ZNF365: variants seen among roughly 807,000 people sequenced by gnomAD.
ZNF365 encodes protein ZNF365.
In ZNF365, 22 loss-of-function variants were observed where a neutral mutation model predicts 35.0. The observed-to-expected ratio is 0.63, with a 90% CI of 0.45 to 0.90. The LOEUF (loss-of-function observed/expected upper bound fraction) is 0.90. Ranked by LOEUF, ZNF365 falls within the 40% of genes least tolerant of loss-of-function variation. The pLI is 0.00. For missense variants in ZNF365, 448 were observed against 500.3 expected, an observed-to-expected ratio of 0.90 and a Z score of 1.00; for synonymous variants, 188 against 196.2, an observed-to-expected ratio of 0.96 and a Z score of 0.35.
intron 3 of ZNF365, among the ~76,000 whole-genome samples, chr10:62,454,965 A>G (rs745650018): frequency 1.3e-5 from 2 of 152,162 alleles, no homozygotes; most frequent in Non-Finnish European, 1.5e-5. Context: ...GGGACTTCCA[A>G]CTGGAAATGG....
chr10:62,413,995 T>C (rs1589442990), intron 3 of ZNF365, among the ~76,000 whole-genome samples: 1 of 152,162 alleles, frequency 6.6e-6, no homozygotes, highest in African/African-American at 2.4e-5. Context: ...TCCTCATAGA[T>C]TCAGGATTAC....
In ZNF365 at chr10:62,419,494, GA is replaced by G. The variant is rs751316684; in HGVS notation, c.924+30933del. Reference sequence around the variant, plus strand: ...TTTTGTTACAAGCAGGTTTTTAAAGGAAAAAAAAAAAAAAAGGACGGGGTGG... The same window carrying G: ...TTTTGTTACAAGCAGGTTTTTAAAGGAAAAAAAAAAAAAAGGACGGGGTGG... On this transcript the variant is annotated intron_variant, in intron 3 of 4. Transcript: ENST00000395255. Among the ~76,000 whole-genome samples, 1,115 of 124,748 alleles carry G rather than the reference GA, an allele frequency of 8.9e-3. 5 individuals carry two copies. Among genetic ancestry groups the G allele is most frequent in the South Asian group, 0.019 (69 of 3,636 alleles). The allele number at this position is 124,748 out of a possible 152,430, so 81.8% of individuals were successfully genotyped here. A position where few individuals can be genotyped will look rare whatever the true frequency, so the allele number is the denominator to read the frequency against.
At chr10:62,458,467 AAC>A (rs3999114) in intron 3 of ZNF365, among the ~76,000 whole-genome samples, 23,842 of 148,218 alleles carry the variant, frequency 0.16, 3,043 homozygotes, top group African/African-American at 0.36. Flanking sequence ...CACCATCTTG[AAC>A]ACACACACAC....
intron 1 of ZNF365, 58 bp downstream of exon 1, chr10:62,374,516 G>A (rs1197450953): frequency 6.6e-6 from 1 of 152,306 alleles, no homozygotes; most frequent in Non-Finnish European, 1.5e-5. Context: ...ACCTGCCGGG[G>A]TGGCCGGGGC....
Position 62,400,724 on chromosome 10 carries a change from G to A in ZNF365, c.*935G>A. The A allele has an allele frequency of 1.0e-6, 1 of 985,632 alleles. No individual in the cohort carries two copies. The highest frequency in any genetic ancestry group is 1.7e-5 in the African/African-American group (1 of 57,328). The allele number at this position is 985,632 out of a possible 1,614,324, so 61.1% of individuals were successfully genotyped here. A position where few individuals can be genotyped will look rare whatever the true frequency, so the allele number is the denominator to read the frequency against. On this transcript the variant is annotated 3_prime_UTR_variant, in exon 5 of 5. Coordinates refer to ENST00000395254, the MANE Select transcript of ZNF365 (RefSeq NM_014951.3). ...GACCTGCTTCCCGGCCAGTGTCAGT[G>A]GCCCTCTCTCTCTCTGCTATGGGCA...
chr10:62,380,795 C>A (rs1323875186), intron 2 of ZNF365, among the ~76,000 whole-genome samples: 1 of 152,160 alleles, frequency 6.6e-6, no homozygotes, highest in African/African-American at 2.4e-5. Context: ...ATCCTGGAAA[C>A]CTTGCTTTAA....
At chr10:62,463,902 T>A (rs996877543) in intron 4 of ZNF365, among the ~76,000 whole-genome samples, 3 of 152,288 alleles carry the variant, frequency 2.0e-5, no homozygotes, top group African/African-American at 7.2e-5. Context: ...AGGTCACCCC[T>A]CCAACGGATG....
chr10:62,443,935 A>G (rs1589456774), intron 3 of ZNF365, among the ~76,000 whole-genome samples: 1 of 152,212 alleles, frequency 6.6e-6, no homozygotes, highest in East Asian at 1.9e-4. Flanking sequence ...TTTTGCCCCC[A>G]TGGAGTACAG....
intron 4 of ZNF365, among the ~76,000 whole-genome samples, chr10:62,464,298 T>A (rs891703085): frequency 1.3e-5 from 2 of 152,222 alleles, no homozygotes; most frequent in African/African-American, 4.8e-5. Flanking sequence ...CCCATATATG[T>A]TAGCCCCCAC....
intron 3 of ZNF365, among the ~76,000 whole-genome samples, chr10:62,426,658 G>T (rs1261676936): frequency 6.6e-6 from 1 of 152,082 alleles, no homozygotes; most frequent in Non-Finnish European, 1.5e-5. Context: ...TTTTACTGGG[G>T]TTTCTGCGGG....
At position 62,400,571 on chromosome 10, in the gene ZNF365, TC is replaced by T; in HGVS notation, c.*783del. The T allele has an allele frequency of 1.0e-6, 1 of 985,948 alleles. No individual in the cohort carries two copies. The highest frequency in any genetic ancestry group is 1.2e-6 in the Non-Finnish European group (1 of 829,938). The allele number at this position is 985,948 out of a possible 1,614,324, so 61.1% of individuals were successfully genotyped here. A position where few individuals can be genotyped will look rare whatever the true frequency, so the allele number is the denominator to read the frequency against. ...ATGGCTGGGGAGCGAAGTAAAATCC[TC>T]TTTTGATTAGCACCCAGCATGGGCT... On this transcript the variant is annotated 3_prime_UTR_variant, in exon 5 of 5. Coordinates refer to ENST00000395254, the MANE Select transcript of ZNF365 (RefSeq NM_014951.3).
At chr10:62,398,655 T>C in intron 3 of ZNF365, 85 bp from the exon 4 acceptor site, 1 of 1,345,524 alleles carries the variant, frequency 7.4e-7, no homozygotes, top group South Asian at 1.3e-5. Context: ...GGGAATGCAG[T>C]TTTTAGAAAG....
chr10:62,440,519 CAG>C (rs1179413391), intron 3 of ZNF365, among the ~76,000 whole-genome samples: 3 of 151,966 alleles, frequency 2.0e-5, no homozygotes, highest in Non-Finnish European at 4.4e-5. Context: ...GTGCCTTGTA[CAG>C]AGTTTACAGA....
intron 4 of ZNF365, among the ~76,000 whole-genome samples, chr10:62,478,118 T>C (rs73282664): frequency 0.036 from 5,443 of 152,274 alleles, 127 homozygotes; most frequent in Middle Eastern, 0.068. Context: ...CTTCAGGTGA[T>C]AGGAGACAGT....
intron 4 of ZNF365, among the ~76,000 whole-genome samples, chr10:62,466,450 T>C (rs1840944829): frequency 6.6e-6 from 1 of 152,140 alleles, no homozygotes; most frequent in African/African-American, 2.4e-5. Context: ...GCCTGGCTTG[T>C]CCTTAGCAAG....
Position 62,401,710 on chromosome 10 carries a change from G to T in ZNF365, c.*1921G>T. The T allele has an allele frequency of 1.0e-6, 1 of 985,384 alleles. No individual in the cohort carries two copies. The highest frequency in any genetic ancestry group is 4.7e-5 in the South Asian group (1 of 21,280). The allele number at this position is 985,384 out of a possible 1,614,324, so 61.0% of individuals were successfully genotyped here. ...AAAAACATGACTTGTTAGTTGTATT[G>T]CATGCTCTTTGTCCTGTAATGTGTG... On this transcript the variant is annotated 3_prime_UTR_variant, in exon 5 of 5. Transcript: ENST00000395254.
chr10:62,479,926 G>A (rs375001685), exon 5 of ZNF365: 2 of 1,612,532 alleles, frequency 1.2e-6, no homozygotes. Context: ...TTCTGGATGA[G>A]GACTTGGATC....
At chr10:62,431,873 A>T (rs568374184) in intron 3 of ZNF365, among the ~76,000 whole-genome samples, 2 of 150,924 alleles carry the variant, frequency 1.3e-5, no homozygotes, top group Admixed American at 6.6e-5. Flanking sequence ...TTTTTTTTTT[A>T]AAGTACCCAA....
At chr10:62,429,086 T>G (rs1840296388) in intron 3 of ZNF365, among the ~76,000 whole-genome samples, 1 of 152,184 alleles carries the variant, frequency 6.6e-6, no homozygotes, top group South Asian at 2.1e-4. Context: ...TATCTCCAAC[T>G]AGATAAGCCA....
Sources: allele counts gnomAD v4.1 joint callset (sites outside exome capture counted in the v4.1 genomes callset), GRCh38; gene constraint gnomAD v4.1.1; transcripts MANE v1.5; gene names NCBI Gene and HGNC (gene_info 2026-07-23, HGNC 2026-07-21).